DOT1L: variants seen among roughly 807,000 people sequenced by gnomAD.
The protein encoded by DOT1L is DOT1 like histone lysine methyltransferase.
DOT1L carries 33 observed loss-of-function variants against 153.3 expected under a neutral mutation model. That is an observed-to-expected ratio of 0.22 (90% CI 0.16 to 0.29). The LOEUF (loss-of-function observed/expected upper bound fraction) is 0.29, where lower values mean the gene tolerates loss of function less well. Among genes scored for constraint, DOT1L ranks in the 10% least tolerant of loss-of-function variants. DOT1L has a pLI of 1.00. For synonymous variants in DOT1L, 1,135 were observed against 965.1 expected, an observed-to-expected ratio of 1.18 and a Z score of -3.26; for missense variants, 1,847 against 2,119.9, an observed-to-expected ratio of 0.87 and a Z score of 2.53.
At position 2,226,265 on chromosome 19, in the gene DOT1L, C is replaced by T; in HGVS notation, c.3744C>T (p.Ile1248=). ...SSKWKSTFSP[I]SDIGLAKSAD... is the part of the protein sequence containing the mutation. ...AGTGGAAGTCCACCTTCTCGCCCAT[C>T]TCCGACATCGGCCTGGCCAAGTCGG... The change falls in exon 27 of 28, where the codon ATC becomes ATT. Residue 1248 remains isoleucine, a synonymous_variant. Transcript: ENST00000398665. The T allele has an allele frequency of 3.8e-6, 6 of 1,588,750 alleles. No individual in the cohort carries two copies. The highest frequency in any genetic ancestry group is 5.1e-6 in the Non-Finnish European group (6 of 1,166,286).
In DOT1L at chr19:2,222,962, C is replaced by T; in HGVS notation, c.3391-319C>T. 2.2e-6 allele frequency: 1 copy of T among 445,282 alleles called. No individual in the cohort carries two copies. The highest frequency in any genetic ancestry group is 3.7e-5 in the South Asian group (1 of 27,264). 27.6% of individuals were successfully genotyped at this position (445,282 alleles called of 1,614,324 possible). ...CCATCCTCCACCACGTGCGGCCTGG[C>T]AGCCTGGGAAGAGGCGGCCGACAGC... is the stretch of plus-strand genomic sequence containing the variant. On this transcript the variant is annotated intron_variant, in intron 24 of 27. Transcript: ENST00000398665. This position sits in a 1 kb window ranked among gnomAD's most constrained non-coding sequence, Gnocchi z 6.5.
At chr19:2,174,994 G>GTGTGTGTGTGTA (rs764261033) in intron 1 of DOT1L, among the ~76,000 whole-genome samples, 3 of 80,510 alleles carry the variant, frequency 3.7e-5, no homozygotes, top group Non-Finnish European at 7.2e-5. Context: ...GTGTGTGTGT[G>GTGTGTGTGTGTA]TATATATATA....
At chr19:2,228,998 TGAG>T (rs2024486474) in intron 27 of DOT1L, 1 of 985,258 alleles carries the variant, frequency 1.0e-6, no homozygotes, top group African/African-American at 1.7e-5. Context: ...CCCTGCGTGT[TGAG>T]GCCCCCTTGC....
chr19:2,228,018 C>A, intron 27 of DOT1L: 1 of 1,298,170 alleles, frequency 7.7e-7, no homozygotes. Flanking sequence ...CGCCTTGCCT[C>A]CTCCCCCAAC....
At position 2,191,789 on chromosome 19, in the gene DOT1L, G is replaced by A. The variant is rs2022806746; in HGVS notation, c.493+549G>A. 6.6e-6 allele frequency among the ~76,000 whole-genome samples: 1 copy of A among 152,128 alleles called. No homozygotes were observed. The highest frequency in any genetic ancestry group is 1.5e-5 in the Non-Finnish European group (1 of 68,012). On this transcript the variant is annotated intron_variant, in intron 5 of 27. Coordinates refer to ENST00000398665, the MANE Select transcript of DOT1L (RefSeq NM_032482.3). The surrounding 1 kb of genome is among the most constrained non-coding windows in gnomAD (Gnocchi z 6.8). The stretch of plus-strand genomic sequence containing the variant: ...GCCGTGCCCTGCCCCTCCCAGGTTG[G>A]GGCTCCCACCTGCTGGCATTCTTTC...
At chr19:2,187,868 G>A (rs564759790) in intron 3 of DOT1L, among the ~76,000 whole-genome samples, 50 of 150,852 alleles carry the variant, frequency 3.3e-4, no homozygotes, top group Non-Finnish European at 5.5e-4. Flanking sequence ...CTTGCAGTGA[G>A]CTGAGATCGC....
At chr19:2,182,679 C>G (rs77575199) in intron 2 of DOT1L, among the ~76,000 whole-genome samples, 175 of 152,218 alleles carry the variant, frequency 1.1e-3, no homozygotes, top group African/African-American at 3.9e-3. Flanking sequence ...CAGGCGCTTG[C>G]TAGTGTGTCT....
At chr19:2,211,305 C>T (rs568451269) in intron 15 of DOT1L, 93 bp downstream of exon 15, 62 of 1,143,664 alleles carry the variant, frequency 5.4e-5, no homozygotes, top group East Asian at 1.3e-4. Context: ...CAGCAGCCCC[C>T]GTGACCTCCA....
chr19:2,216,675 G>C lies in DOT1L; in HGVS notation c.2318G>C (p.Arg773Thr), dbSNP rs769940454. The C allele has an allele frequency of 6.2e-7, 1 of 1,603,842 alleles. No individual in the cohort carries two copies. The highest frequency in any genetic ancestry group is 1.1e-5 in the South Asian group (1 of 91,068). ...LSGLAAPDYT[R>T]LSPAKIVLRR... The stretch of plus-strand genomic sequence containing the variant: ...GGCCTAGCCGCACCCGACTACACTA[G>C]GCTGTCCCCGGCCAAGATTGTGCTG... Residue 773 changes from arginine (R) to threonine (T), a missense_variant, in exon 20 of 28, where the codon AGG becomes ACG. Transcript: ENST00000398665.
At chr19:2,182,188 C>T (rs1427652652) in intron 2 of DOT1L, among the ~76,000 whole-genome samples, 1 of 152,010 alleles carries the variant, frequency 6.6e-6, no homozygotes, top group Non-Finnish European at 1.5e-5. Context: ...GATGGTGCCA[C>T]TGCACTGCAG....
chr19:2,221,349 G>A (rs745680979), intron 23 of DOT1L: 47 of 153,526 alleles, frequency 3.1e-4, no homozygotes, highest in Non-Finnish European at 4.5e-4. Context: ...TTGGGGTGAG[G>A]TCTGCTCTGC....
Position 2,230,213 on chromosome 19 carries a change from G to C in DOT1L, c.*421G>C. ...GCCTCCACCCGCTTGGTGCTGACTA[G>C]ACGCTGACAACGCCGAACCCCGTTC... On this transcript the variant is annotated 3_prime_UTR_variant, in exon 28 of 28. Transcript: ENST00000398665. 1 of 422,362 alleles carries C rather than the reference G, an allele frequency of 2.4e-6. No homozygotes were observed. Among genetic ancestry groups the C allele is most frequent in the Non-Finnish European group, 4.2e-6 (1 of 240,648 alleles). The allele number at this position is 422,362 out of a possible 1,614,324, so 26.2% of individuals were successfully genotyped here.
In DOT1L at chr19:2,230,742, C is replaced by T. The variant is rs73516534; in HGVS notation, c.*950C>T. The T allele has an allele frequency of 2.9e-3, 1,159 of 397,500 alleles. 8 individuals are homozygous for T. The highest frequency in any genetic ancestry group is 0.021 in the African/African-American group (1,026 of 48,706). The allele number at this position is 397,500 out of a possible 1,614,324, so 24.6% of individuals were successfully genotyped here. A position where few individuals can be genotyped will look rare whatever the true frequency, so the allele number is the denominator to read the frequency against. ...ATGCACAGTGAAGAGGAAAGAAAAG[C>T]GAGGGGAAAAAACCTTATTTATTCA... is the stretch of plus-strand genomic sequence containing the variant. On this transcript the variant is annotated 3_prime_UTR_variant, in exon 28 of 28. Coordinates refer to ENST00000398665, the MANE Select transcript of DOT1L (RefSeq NM_032482.3).
At position 2,214,613 on chromosome 19, in the gene DOT1L, G is replaced by A; in HGVS notation, c.1923+17G>A. On this transcript the variant is annotated intron_variant, in intron 19 of 27. Transcript: ENST00000398665. ...GAGCTGCAGGTGGGCTGCGCGCGAG[G>A]CTGCACTCCGTGGTGTCCGAGCCTC... 6.2e-7 allele frequency: 1 copy of A among 1,609,504 alleles called. No homozygotes were observed. Among genetic ancestry groups the A allele is most frequent in the Non-Finnish European group, 8.5e-7 (1 of 1,178,304 alleles).
intron 27 of DOT1L, chr19:2,227,841 C>T (rs2024418998): frequency 1.6e-6 from 2 of 1,289,616 alleles, no homozygotes; most frequent in African/African-American, 3.1e-5. Context: ...GAGCCCGCTG[C>T]AGGCGGCGGC....
At chr19:2,173,183 T>G (rs2021738729) in intron 1 of DOT1L, among the ~76,000 whole-genome samples, 1 of 151,930 alleles carries the variant, frequency 6.6e-6, no homozygotes, top group Non-Finnish European at 1.5e-5. Context: ...GTCCCGCGCT[T>G]TCCTCCTTCC....
chr19:2,177,926 A>AT lies in DOT1L; in HGVS notation c.82-2773dup, dbSNP rs71176524. Among the ~76,000 whole-genome samples the AT allele has an allele frequency of 3.1e-3, 443 of 143,280 alleles. 3 individuals carry two copies. The highest frequency in any genetic ancestry group is 7.5e-3 in the African/African-American group (290 of 38,846). The allele number at this position is 143,280 out of a possible 152,430, so 94.0% of individuals were successfully genotyped here. ...CAGGTGTGTGCCACCACACCTAGCA[A>AT]TTTTTTTTTTTTTTGAGATGGATTC... On this transcript the variant is annotated intron_variant, in intron 1 of 27. Transcript: ENST00000398665.
At chr19:2,200,177 C>T (rs1368196845) in intron 8 of DOT1L, among the ~76,000 whole-genome samples, 2 of 152,256 alleles carry the variant, frequency 1.3e-5, no homozygotes, top group South Asian at 2.1e-4. Context: ...GCAGTGAGCC[C>T]GTTCCTGCTG....
chr19:2,201,313 C>T (rs1455604371), intron 8 of DOT1L, among the ~76,000 whole-genome samples: 1 of 151,470 alleles, frequency 6.6e-6, no homozygotes, highest in Non-Finnish European at 1.5e-5. Flanking sequence ...ATTCCTCATT[C>T]TCCCTGCATT....
Sources: allele counts gnomAD v4.1 joint callset (sites outside exome capture counted in the v4.1 genomes callset), GRCh38; gene constraint gnomAD v4.1.1; non-coding constraint Gnocchi (gnomAD v3.1); transcripts MANE v1.5; gene names NCBI Gene and HGNC (gene_info 2026-07-23, HGNC 2026-07-21).